Variants in PHC2 observed in about 807,000 individuals in gnomAD.
PHC2 encodes polyhomeotic homolog 2.
In PHC2, 29 loss-of-function variants were observed where a neutral mutation model predicts 87.4. The observed-to-expected ratio is 0.33, with a 90% confidence interval of 0.25 to 0.45. The LOEUF (loss-of-function observed/expected upper bound fraction) is 0.45. PHC2 is among the 20% of genes least tolerant of loss of function. PHC2 has a pLI of 1.00. For synonymous variants in PHC2, 438 were observed against 461.7 expected, an observed-to-expected ratio of 0.95 and a Z score of 0.66; for missense variants, 857 against 1,136.7, an observed-to-expected ratio of 0.75 and a Z score of 3.54.
At chr1:33,350,019 C>A in intron 9 of PHC2, 1 of 230,876 alleles carries the variant, frequency 4.3e-6, no homozygotes, top group Non-Finnish European at 7.1e-6. Flanking sequence ...TTCCTTTGTG[C>A]GGCGAGCCCC....
intron 7 of PHC2, 33 bp downstream of exon 7, chr1:33,367,083 T>G (rs776204214): frequency 3.2e-6 from 5 of 1,559,810 alleles, no homozygotes; most frequent in Non-Finnish European, 4.4e-6. Flanking sequence ...CTGAGTTTTC[T>G]GGGAAAGGAT....
intron 1 of PHC2, among the ~76,000 whole-genome samples, chr1:33,384,640 C>G (rs529978334): frequency 6.6e-6 from 1 of 152,318 alleles, no homozygotes; most frequent in Admixed American, 6.5e-5. Context: ...GGCCACTCCC[C>G]AGGCCCCTCA....
Position 33,372,424 on chromosome 1 carries a change from T to C in PHC2, c.198A>G (p.Arg66=). The C allele has an allele frequency of 6.3e-7, 1 of 1,591,534 alleles. No individual in the cohort carries two copies. The part of the protein sequence containing the change: ...TVQVIQQALH[R]QPSTAAQYLQ... The stretch of plus-strand genomic sequence containing the variant: ...GGTACTGAGCGGCCGTGCTGGGCTG[T>C]CTGTGCAGGGCCTGCTGGATCACCT... The change falls in exon 3 of 15, where the codon AGA becomes AGG. Residue 66 remains arginine (R), a synonymous_variant. Coordinates refer to ENST00000683057, the MANE Select transcript of PHC2 (RefSeq NM_001385109.1).
At chr1:33,347,035 C>T in intron 9 of PHC2, 1 of 985,406 alleles carries the variant, frequency 1.0e-6, no homozygotes, top group Non-Finnish European at 1.2e-6. Context: ...ATGCCCTCTC[C>T]CCCTGAAAGA....
intron 2 of PHC2, among the ~76,000 whole-genome samples, chr1:33,374,113 C>G (rs1648022573): frequency 6.6e-6 from 1 of 152,124 alleles, no homozygotes; most frequent in Non-Finnish European, 1.5e-5. Flanking sequence ...TCTGTATTCC[C>G]TTTGCCTAGG....
chr1:33,409,074 G>A (rs1649880935), intron 1 of PHC2, among the ~76,000 whole-genome samples: 1 of 152,178 alleles, frequency 6.6e-6, no homozygotes, highest in Non-Finnish European at 1.5e-5. Context: ...TAGCTTAGAA[G>A]TCAAATTTTC....
chr1:33,410,429 C>T (rs2148390765), intron 1 of PHC2, among the ~76,000 whole-genome samples: 1 of 152,294 alleles, frequency 6.6e-6, no homozygotes, highest in Admixed American at 6.5e-5. Context: ...TGCTGCTTCT[C>T]GAAGCTGAAA....
At chr1:33,430,321 T>G (rs1650853483) in intron 1 of PHC2, among the ~76,000 whole-genome samples, 1 of 152,164 alleles carries the variant, frequency 6.6e-6, no homozygotes, top group Non-Finnish European at 1.5e-5. Context: ...TTCTCCAACC[T>G]TGGGGCCCGC....
At chr1:33,395,672 C>T (rs1649264972) in intron 1 of PHC2, among the ~76,000 whole-genome samples, 1 of 152,126 alleles carries the variant, frequency 6.6e-6, no homozygotes, top group Admixed American at 6.5e-5. Context: ...ATGTGACATT[C>T]ACTGTATACT....
intron 1 of PHC2, among the ~76,000 whole-genome samples, chr1:33,408,116 C>G (rs1228004295): frequency 6.6e-6 from 1 of 152,120 alleles, no homozygotes; most frequent in Admixed American, 6.5e-5. Flanking sequence ...ATTTATTTCT[C>G]TCAGTTTTTT....
intron 6 of PHC2, among the ~76,000 whole-genome samples, chr1:33,367,683 TGGGCGGGCAGG>T (rs1647559321): frequency 6.6e-6 from 1 of 152,068 alleles, no homozygotes; most frequent in South Asian, 2.1e-4. Flanking sequence ...GCTGCCCAGC[TGGGCGGGCAGG>T]GGTGGGGAGG....
chr1:33,385,513 T>C (rs1048767989), intron 1 of PHC2, among the ~76,000 whole-genome samples: 1 of 152,240 alleles, frequency 6.6e-6, no homozygotes, highest in Non-Finnish European at 1.5e-5. Context: ...CAGACTTCAT[T>C]GGTTTTAAAT....
At chr1:33,383,636 G>C (rs1190914345) in intron 1 of PHC2, among the ~76,000 whole-genome samples, 1 of 152,234 alleles carries the variant, frequency 6.6e-6, no homozygotes, top group Non-Finnish European at 1.5e-5. Context: ...TGCAGATGCT[G>C]AATGCTTGGG....
Position 33,324,586 on chromosome 1 carries a change from C to T in PHC2, c.*279G>A, listed in dbSNP as rs1054079098. ...GGGGGACAGAAAGAGGGGAAGAGAG[C>T]GGGGCTAGAGTATTGGGACTTTGGA... On this transcript the variant is annotated 3_prime_UTR_variant, in exon 15 of 15. Coordinates refer to ENST00000683057, the MANE Select transcript of PHC2 (RefSeq NM_001385109.1). The T allele has an allele frequency of 2.9e-5, 9 of 311,620 alleles. No homozygotes were observed. Among genetic ancestry groups the T allele is most frequent in the African/African-American group, 1.1e-4 (5 of 46,866 alleles). 19.3% of individuals were successfully genotyped at this position (311,620 alleles called of 1,614,324 possible).
At chr1:33,366,448 G>A (rs1268065397) in intron 7 of PHC2, among the ~76,000 whole-genome samples, 2 of 152,174 alleles carry the variant, frequency 1.3e-5, no homozygotes, top group Non-Finnish European at 2.9e-5. Flanking sequence ...TGCCTCACAA[G>A]CAAGCTCCTA....
At chr1:33,345,713 TG>T in intron 9 of PHC2, 1 of 984,840 alleles carries the variant, frequency 1.0e-6, no homozygotes, top group East Asian at 1.1e-4. Context: ...TTGTTACTGA[TG>T]GGGAAAAATC....
intron 1 of PHC2, among the ~76,000 whole-genome samples, chr1:33,386,550 A>C (rs553077951): frequency 6.6e-6 from 1 of 152,124 alleles, no homozygotes; most frequent in South Asian, 2.1e-4. Context: ...AAATCTTTTC[A>C]AGCTGGGTGT....
At chr1:33,359,278 T>A (rs1011091945) in intron 7 of PHC2, among the ~76,000 whole-genome samples, 1 of 152,170 alleles carries the variant, frequency 6.6e-6, no homozygotes, top group African/African-American at 2.4e-5. Context: ...GCTTCAAATA[T>A]GCAGGAAACG....
intron 9 of PHC2, 109 bp downstream of exon 9, chr1:33,354,292 G>T: frequency 1.9e-6 from 2 of 1,031,850 alleles, no homozygotes; most frequent in South Asian, 1.6e-5. Context: ...CAGCTTCCTT[G>T]CTTGTAATAG....
Sources: allele counts gnomAD v4.1 joint callset (sites outside exome capture counted in the v4.1 genomes callset), GRCh38; gene constraint gnomAD v4.1.1; transcripts MANE v1.5; gene names NCBI Gene and HGNC (gene_info 2026-07-23, HGNC 2026-07-21).